The following RPRD1B variants were observed in gnomAD, a reference collection of about 807,000 sequenced individuals.
The protein encoded by RPRD1B is regulation of nuclear pre-mRNA domain containing 1B, also known as regulation of nuclear pre-mRNA domain-containing protein 1B.
In RPRD1B, 11 loss-of-function variants were observed where a neutral mutation model predicts 41.5. That is an observed-to-expected ratio of 0.27 (90% confidence interval 0.17 to 0.44). RPRD1B has a LOEUF of 0.44. Ranked by LOEUF, RPRD1B falls within the 20% of genes least tolerant of loss-of-function variation. The pLI is 1.00. For synonymous variants in RPRD1B, 158 were observed against 155.6 expected (o/e 1.02, Z -0.12); for missense variants, 248 against 389.9 (o/e 0.64, Z 3.06).
intron 5 of RPRD1B, among the ~76,000 whole-genome samples, chr20:38,063,126 C>T (rs1206720492): frequency 6.6e-6 from 1 of 152,080 alleles, no homozygotes; most frequent in Non-Finnish European, 1.5e-5. Flanking sequence ...TACTTGCTGT[C>T]CCCTCTGCCT....
intron 6 of RPRD1B, among the ~76,000 whole-genome samples, chr20:38,085,109 G>A (rs1164759303): frequency 6.6e-6 from 1 of 152,200 alleles, no homozygotes; most frequent in Non-Finnish European, 1.5e-5. Context: ...CAACCAGACT[G>A]CTTGGGTTTT....
intron 6 of RPRD1B, among the ~76,000 whole-genome samples, chr20:38,067,832 A>AGT (rs2074372453): frequency 6.6e-6 from 1 of 152,166 alleles, no homozygotes; most frequent in Non-Finnish European, 1.5e-5. Flanking sequence ...CTAATAAGAG[A>AGT]GTGTAATTAA....
At chr20:38,060,199 G>T (rs1194117010) in intron 5 of RPRD1B, among the ~76,000 whole-genome samples, 1 of 152,202 alleles carries the variant, frequency 6.6e-6, no homozygotes, top group Non-Finnish European at 1.5e-5. Context: ...GAGAAGATAG[G>T]TGTCTTGTCC....
chr20:38,083,048 C>G (rs913069201), intron 6 of RPRD1B, among the ~76,000 whole-genome samples: 1 of 152,152 alleles, frequency 6.6e-6, no homozygotes, highest in Non-Finnish European at 1.5e-5. Flanking sequence ...CTTGACTTTA[C>G]CAGTATTTGG....
At chr20:38,063,661 G>T (rs770993302) in intron 5 of RPRD1B, among the ~76,000 whole-genome samples, 17 of 152,280 alleles carry the variant, frequency 1.1e-4, no homozygotes, top group Admixed American at 3.9e-4. Context: ...GAGAGAATTT[G>T]CTGAGGTAGA....
At chr20:38,044,030 G>A (rs191255587) in intron 2 of RPRD1B, among the ~76,000 whole-genome samples, 67 of 152,254 alleles carry the variant, frequency 4.4e-4, no homozygotes, top group Middle Eastern at 3.4e-3. Flanking sequence ...ACCACTCCCA[G>A]GTTTGGTGAT....
chr20:38,037,016 A>G (rs998380557), intron 1 of RPRD1B, among the ~76,000 whole-genome samples: 1 of 152,208 alleles, frequency 6.6e-6, no homozygotes, highest in African/African-American at 2.4e-5. Flanking sequence ...CCCCACACTG[A>G]AAGAAAAGGA....
intron 6 of RPRD1B, among the ~76,000 whole-genome samples, chr20:38,067,809 C>T (rs1330793714): frequency 6.6e-6 from 1 of 152,204 alleles, no homozygotes; most frequent in African/African-American, 2.4e-5. Context: ...ATTTTCAGCA[C>T]TGTGCCCCGG....
At chr20:38,044,336 C>CA (rs1225625753) in intron 2 of RPRD1B, among the ~76,000 whole-genome samples, 1 of 150,530 alleles carries the variant, frequency 6.6e-6, no homozygotes, top group Non-Finnish European at 1.5e-5. Context: ...CACCCTCTGC[C>CA]AAAATTCTAA....
At chr20:38,082,951 A>G (rs1196690632) in intron 6 of RPRD1B, among the ~76,000 whole-genome samples, 1 of 152,212 alleles carries the variant, frequency 6.6e-6, no homozygotes, top group Non-Finnish European at 1.5e-5. Context: ...ATACAACCAA[A>G]TACACAAGCA....
chr20:38,036,331 T>C (rs2074003190), intron 1 of RPRD1B, among the ~76,000 whole-genome samples: 1 of 152,212 alleles, frequency 6.6e-6, no homozygotes, highest in Admixed American at 6.5e-5. Flanking sequence ...ATGTGTTCTT[T>C]TTCATGTACT....
intron 6 of RPRD1B, among the ~76,000 whole-genome samples, chr20:38,075,942 CTT>C (rs1373651154): frequency 2.0e-5 from 3 of 152,218 alleles, no homozygotes; most frequent in Admixed American, 6.5e-5. Flanking sequence ...GATTAGCTCT[CTT>C]TGCCTAATTC....
intron 3 of RPRD1B, 92 bp downstream of exon 3, chr20:38,048,573 C>A: frequency 6.7e-7 from 1 of 1,495,538 alleles, no homozygotes; most frequent in South Asian, 1.4e-5. Flanking sequence ...TGTGAACCAC[C>A]AGCGATTTTA....
intron 3 of RPRD1B, among the ~76,000 whole-genome samples, chr20:38,049,110 G>T (rs1251104130): frequency 6.6e-6 from 1 of 151,514 alleles, no homozygotes; most frequent in African/African-American, 2.4e-5. Flanking sequence ...CACAACACCC[G>T]GCTAATTTTT....
chr20:38,062,571 GATTGGGACCAAAA>G (rs1050281346), intron 5 of RPRD1B, among the ~76,000 whole-genome samples: 15 of 152,014 alleles, frequency 9.9e-5, no homozygotes, highest in African/African-American at 3.6e-4. Context: ...CATTCCTGTT[GATTGGGACCAAAA>G]CCAGCATCTG....
At position 38,033,938 on chromosome 20, in the gene RPRD1B, T is replaced by C; in HGVS notation, c.-10T>C. ...CAGGCCGCTCCCTGCCGGGCCTCAC[T>C]GCCGCCACCATGTCCTCCTTCTCTG... On this transcript the variant is annotated 5_prime_UTR_variant, in exon 1 of 7. Transcript: ENST00000373433. 2.5e-6 allele frequency: 4 copies of C among 1,604,442 alleles called. No homozygotes were observed. The highest frequency in any genetic ancestry group is 2.6e-6 in the Non-Finnish European group (3 of 1,174,788).
At position 38,061,028 on chromosome 20, in the gene RPRD1B, T is replaced by C. The variant is rs545195024; in HGVS notation, c.655+1508T>C. Among the ~76,000 whole-genome samples, 8 of 152,384 alleles carry C rather than the reference T, an allele frequency of 5.2e-5. No individual in the cohort carries two copies. In the South Asian group the frequency reaches 1.7e-3, roughly 32 times the overall value. ...TCTGCAAAAATTGCAAGCAAGTTAA[T>C]GTAAAGCTAGCCATGTATGTAATTT... On this transcript the variant is annotated intron_variant, in intron 5 of 6. Transcript: ENST00000373433.
intron 5 of RPRD1B, among the ~76,000 whole-genome samples, chr20:38,060,823 C>T (rs1244032466): frequency 1.3e-5 from 2 of 152,150 alleles, no homozygotes; most frequent in East Asian, 1.9e-4. Flanking sequence ...TCCTCATTTT[C>T]TTCTTTATTC....
At chr20:38,045,927 C>T (rs897670925) in intron 2 of RPRD1B, among the ~76,000 whole-genome samples, 3 of 152,188 alleles carry the variant, frequency 2.0e-5, no homozygotes, top group Admixed American at 6.5e-5. Context: ...CTGCAGGCCA[C>T]GTGCTTTAAT....
Sources: allele counts gnomAD v4.1 joint callset (sites outside exome capture counted in the v4.1 genomes callset), GRCh38; gene constraint gnomAD v4.1.1; transcripts MANE v1.5; gene names NCBI Gene and HGNC (gene_info 2026-07-23, HGNC 2026-07-21).